SNAP91: variants seen among roughly 807,000 people sequenced by gnomAD.
The protein encoded by SNAP91 is clathrin coat assembly protein AP180.
SNAP91 carries 27 observed loss-of-function variants against 100.3 expected under a neutral mutation model. The observed-to-expected ratio is 0.27, with a 90% CI of 0.20 to 0.37. The LOEUF (loss-of-function observed/expected upper bound fraction) is 0.37. Among genes scored for constraint, SNAP91 ranks in the 10% least tolerant of loss-of-function variants. SNAP91 has a pLI of 1.00. For missense variants in SNAP91, 986 were observed against 1,123.7 expected (o/e 0.88, Z 1.75); for synonymous variants, 404 against 398.6 (o/e 1.01, Z -0.16).
chr6:83,560,052 T>TTTTA (rs1253688612), intron 28 of SNAP91, 52 bp downstream of exon 28: 36 of 1,446,076 alleles, frequency 2.5e-5, no homozygotes, highest in Middle Eastern at 1.9e-4. Context: ...TACACCAATG[T>TTTTA]TTTACACTTA....
intron 24 of SNAP91, among the ~76,000 whole-genome samples, chr6:83,579,431 A>C (rs976542472): frequency 6.6e-6 from 1 of 152,212 alleles, no homozygotes; most frequent in Non-Finnish European, 1.5e-5. Flanking sequence ...AAGTATTTTC[A>C]TGGTTGCTCA....
intron 8 of SNAP91, among the ~76,000 whole-genome samples, chr6:83,624,199 C>A (rs1053300878): frequency 1.1e-4 from 16 of 151,758 alleles, no homozygotes; most frequent in Non-Finnish European, 2.9e-5. Flanking sequence ...GGAGGAAAAG[C>A]AAATATGAAA....
intron 26 of SNAP91, among the ~76,000 whole-genome samples, chr6:83,565,492 TACTC>T (rs370733182): frequency 1.7e-4 from 26 of 152,300 alleles, no homozygotes; most frequent in African/African-American, 6.3e-4. Context: ...GCCTCTGAGT[TACTC>T]ACCCTGAGTG....
Position 83,572,343 on chromosome 6 carries a change from T to A in SNAP91, c.2442+2667A>T, listed in dbSNP as rs550039277. 3.9e-5 allele frequency among the ~76,000 whole-genome samples: 6 copies of A among 152,206 alleles called. No homozygotes were observed. The South Asian group carries it at 1.0e-3, about 26-fold the overall frequency. ...CTCACTGCAACCTCCTCCTCCTGGG[T>A]TCAAGTGATTCTCCCACCTCAGCCT... On this transcript the variant is annotated intron_variant, in intron 26 of 29. Coordinates refer to ENST00000369694, the MANE Select transcript of SNAP91 (RefSeq NM_001242792.2).
intron 26 of SNAP91, among the ~76,000 whole-genome samples, chr6:83,568,298 G>A (rs1404377650): frequency 6.6e-6 from 1 of 151,928 alleles, no homozygotes; most frequent in Non-Finnish European, 1.5e-5. Flanking sequence ...TGAACAATGA[G>A]AACACTTGGA....
At chr6:83,677,334 T>C (rs1192565554) in intron 2 of SNAP91, among the ~76,000 whole-genome samples, 2 of 152,170 alleles carry the variant, frequency 1.3e-5, no homozygotes, top group African/African-American at 4.8e-5. Context: ...TCAGCAACAC[T>C]TCAAAATGAA....
chr6:83,682,985 T>C (rs1001293896), intron 2 of SNAP91, among the ~76,000 whole-genome samples: 1 of 152,014 alleles, frequency 6.6e-6, no homozygotes, highest in African/African-American at 2.4e-5. Flanking sequence ...ATGACCATCA[T>C]CCCCATCATG....
intron 22 of SNAP91, among the ~76,000 whole-genome samples, chr6:83,586,220 ACTTTTAC>A (rs2092595220): frequency 6.6e-6 from 1 of 152,190 alleles, no homozygotes; most frequent in Non-Finnish European, 1.5e-5. Context: ...TCCTCTGTAG[ACTTTTAC>A]CTTTTATAGG....
chr6:83,663,225 A>T (rs1186540395), intron 3 of SNAP91, among the ~76,000 whole-genome samples: 1 of 152,092 alleles, frequency 6.6e-6, no homozygotes, highest in African/African-American at 2.4e-5. Flanking sequence ...AATTAAGCCA[A>T]CTAATAACCC....
At chr6:83,629,798 A>G (rs1252055245) in intron 8 of SNAP91, among the ~76,000 whole-genome samples, 1 of 152,074 alleles carries the variant, frequency 6.6e-6, no homozygotes, top group East Asian at 1.9e-4. Context: ...TATCATCAGC[A>G]AGCAGCAACA....
chr6:83,705,781 G>T (rs1440916190), intron 2 of SNAP91, among the ~76,000 whole-genome samples: 2 of 151,712 alleles, frequency 1.3e-5, no homozygotes, highest in Non-Finnish European at 2.9e-5. Context: ...CTCCAGCCTG[G>T]GTGACAGAGT....
At chr6:83,613,983 A>C (rs1017819435) in intron 11 of SNAP91, among the ~76,000 whole-genome samples, 1 of 152,218 alleles carries the variant, frequency 6.6e-6, no homozygotes, top group African/African-American at 2.4e-5. Context: ...AAATTCTGTA[A>C]AATTACTACA....
intron 26 of SNAP91, among the ~76,000 whole-genome samples, chr6:83,569,105 A>G (rs941950561): frequency 4.5e-4 from 69 of 152,346 alleles, no homozygotes; most frequent in African/African-American, 1.6e-3. Flanking sequence ...ATAAAAGAAT[A>G]TAGATAAAAC....
chr6:83,647,813 A>G (rs2128616875), intron 7 of SNAP91, among the ~76,000 whole-genome samples: 1 of 152,244 alleles, frequency 6.6e-6, no homozygotes. Flanking sequence ...ATGGAATACC[A>G]CACACCAGAT....
In SNAP91 at chr6:83,627,700, CT is replaced by C. The variant is rs200602119; in HGVS notation, c.766-4359del. Among the ~76,000 whole-genome samples, 27 of 151,930 alleles carry C rather than the reference CT, an allele frequency of 1.8e-4. No individual in the cohort carries two copies. In the East Asian group the frequency reaches 3.9e-3, roughly 22 times the overall value. ...TTTGTGGGATCAATTGTAATGTCAC[CT>C]TTGTCTGTCTGATTGTATTTATTTG... On this transcript the variant is annotated intron_variant, in intron 8 of 29. Transcript: ENST00000369694.
At position 83,592,711 on chromosome 6, in the gene SNAP91, C is replaced by A. The variant is rs2093940286; in HGVS notation, c.1847-173G>T. 2.0e-5 allele frequency among the ~76,000 whole-genome samples: 3 copies of A among 152,172 alleles called. No homozygotes were observed. The South Asian group carries it at 6.2e-4, about 32-fold the overall frequency. ...GTTTTAAAATACACGCTCTCCAGAA[C>A]AAAATAAAATTGACTCCTTGAGGTC... On this transcript the variant is annotated intron_variant, in intron 20 of 29. Transcript: ENST00000369694.
chr6:83,664,780 C>T (rs767814105), intron 3 of SNAP91, among the ~76,000 whole-genome samples: 2 of 152,122 alleles, frequency 1.3e-5, no homozygotes, highest in Non-Finnish European at 2.9e-5. Context: ...AGAAGTTCTG[C>T]TGTAGATAAA....
chr6:83,682,820 C>T (rs77911444), intron 2 of SNAP91, among the ~76,000 whole-genome samples: 1,794 of 149,094 alleles, frequency 0.012, 14 homozygotes, highest in Middle Eastern at 0.024. Context: ...TTTAAATTAG[C>T]CTTTTTTTTT....
chr6:83,591,330 A>C, intron 21 of SNAP91, 36 bp from the exon 22 acceptor site: 1 of 1,363,184 alleles, frequency 7.3e-7, no homozygotes, highest in Non-Finnish European at 1.1e-6. Context: ...AAAAGTAAGA[A>C]AGTGTAAAAA....
Sources: allele counts gnomAD v4.1 joint callset (sites outside exome capture counted in the v4.1 genomes callset), GRCh38; gene constraint gnomAD v4.1.1; transcripts MANE v1.5; gene names NCBI Gene and HGNC (gene_info 2026-07-23, HGNC 2026-07-21).